The following REC114 variants were observed in gnomAD, a reference collection of about 807,000 sequenced individuals.
REC114 encodes the protein REC114 meiotic recombination protein, also known as meiotic recombination protein REC114.
A neutral mutation model predicts 31.3 loss-of-function variants in REC114; 27 were observed. The observed-to-expected ratio is 0.86, with a 90% CI of 0.64 to 1.19. The LOEUF is 1.19. REC114 is among the 50% of genes most tolerant of loss of function. The pLI is 0.00. For missense variants in REC114, 344 were observed against 326.9 expected (o/e 1.05, Z -0.40); for synonymous variants, 134 against 127.7 (o/e 1.05, Z -0.33).
intron 2 of REC114, 41 bp downstream of exon 2, chr15:73,473,962 T>C (rs893591510): frequency 1.6e-6 from 2 of 1,277,190 alleles, no homozygotes; most frequent in Admixed American, 4.1e-5. Context: ...AAATACATCT[T>C]TGTCTTCTTA....
intron 2 of REC114, among the ~76,000 whole-genome samples, chr15:73,523,004 T>C (rs1434652251): frequency 2.6e-5 from 4 of 152,302 alleles, no homozygotes; most frequent in East Asian, 1.9e-4. Context: ...ATGATTTTAA[T>C]TGATGTTTCT....
chr15:73,492,693 A>G (rs1484316177), intron 2 of REC114, among the ~76,000 whole-genome samples: 1 of 152,236 alleles, frequency 6.6e-6, no homozygotes, highest in African/African-American at 2.4e-5. Flanking sequence ...GGACAAAGTC[A>G]TAGAGTATGC....
At chr15:73,539,281 G>GTTTTTTTTTT (rs1894206286) in intron 2 of REC114, among the ~76,000 whole-genome samples, 1 of 101,174 alleles carries the variant, frequency 9.9e-6, no homozygotes, top group Non-Finnish European at 1.9e-5. Flanking sequence ...TTTCAGAACT[G>GTTTTTTTTTT]ATTTTTTTTT....
At chr15:73,552,289 T>C (rs1894403925) in intron 4 of REC114, among the ~76,000 whole-genome samples, 1 of 152,210 alleles carries the variant, frequency 6.6e-6, no homozygotes, top group Non-Finnish European at 1.5e-5. Context: ...GAGGCCAGAT[T>C]TTCTTCATGT....
chr15:73,506,464 C>CA (rs1893678673), intron 2 of REC114, among the ~76,000 whole-genome samples: 1 of 152,140 alleles, frequency 6.6e-6, no homozygotes, highest in Non-Finnish European at 1.5e-5. Context: ...GAGATGCCTG[C>CA]AGTGCTGATA....
At chr15:73,539,962 T>C (rs1473873006) in intron 2 of REC114, among the ~76,000 whole-genome samples, 1 of 152,184 alleles carries the variant, frequency 6.6e-6, no homozygotes, top group African/African-American at 2.4e-5. Context: ...CTGCCCTCTT[T>C]GCCTTTTTTT....
At chr15:73,468,981 C>G (rs1158693673) in intron 1 of REC114, among the ~76,000 whole-genome samples, 3 of 151,938 alleles carry the variant, frequency 2.0e-5, no homozygotes, top group Admixed American at 2.0e-4. Context: ...CATCTGTGCT[C>G]AGGTAACATT....
At chr15:73,558,233 G>A (rs1894502637) in intron 5 of REC114, among the ~76,000 whole-genome samples, 1 of 152,168 alleles carries the variant, frequency 6.6e-6, no homozygotes, top group South Asian at 2.1e-4. Context: ...GTTACAGAGA[G>A]TTCCTGGAGA....
chr15:73,489,496 A>G (rs7161984), intron 2 of REC114, among the ~76,000 whole-genome samples: 25,055 of 151,546 alleles, frequency 0.17, 3,260 homozygotes, highest in African/African-American at 0.36. Flanking sequence ...GTGAGCCACC[A>G]CGCCTGGCAC....
Position 73,559,826 on chromosome 15 carries a change from C to G in REC114, c.711C>G (p.Phe237Leu). 6.2e-7 allele frequency: 1 copy of G among 1,612,904 alleles called. No homozygotes were observed. Among genetic ancestry groups the G allele is most frequent in the East Asian group, 2.2e-5 (1 of 44,824 alleles). ...SAWGAEELGP[F>L]LRLCLMDQNF... is the part of the protein sequence containing the mutation. ...GGGGTGCAGAAGAGTTAGGCCCCTT[C>G]CTACGTTTGTGCCTTATGGATCAGA... is the stretch of plus-strand genomic sequence containing the variant. The change falls in exon 6 of 6, where the codon TTC (phenylalanine) becomes TTG (leucine). Residue 237 changes from phenylalanine to leucine, a missense_variant. Phe to Leu is a conservative substitution (Grantham distance 22). Coordinates refer to ENST00000331090, the MANE Select transcript of REC114 (RefSeq NM_001042367.2).
At chr15:73,538,779 G>A (rs908358374) in intron 2 of REC114, among the ~76,000 whole-genome samples, 1 of 151,916 alleles carries the variant, frequency 6.6e-6, no homozygotes, top group African/African-American at 2.4e-5. Flanking sequence ...ACTGGACAGT[G>A]CTGATACATA....
At chr15:73,533,654 C>T (rs1239251699) in intron 2 of REC114, among the ~76,000 whole-genome samples, 2 of 147,858 alleles carry the variant, frequency 1.4e-5, no homozygotes, top group East Asian at 4.0e-4. Context: ...CAAGGATACC[C>T]AGGAATTGAA....
intron 1 of REC114, among the ~76,000 whole-genome samples, chr15:73,447,781 A>G (rs1164630140): frequency 6.6e-6 from 1 of 152,176 alleles, no homozygotes; most frequent in African/African-American, 2.4e-5. Context: ...CTGCATTTCC[A>G]ACTGAGGTAC....
chr15:73,543,856 C>A (rs1307118745), intron 3 of REC114, among the ~76,000 whole-genome samples: 3 of 150,450 alleles, frequency 2.0e-5, no homozygotes, highest in Non-Finnish European at 3.0e-5. Flanking sequence ...ATGCTGTAAT[C>A]ATAGGGTTAT....
Position 73,540,556 on chromosome 15 carries a change from A to C in REC114, c.321A>C (p.Gly107=). 1 of 1,612,968 alleles carries C rather than the reference A, an allele frequency of 6.2e-7. No homozygotes were observed. The highest frequency in any genetic ancestry group is 8.5e-7 in the Non-Finnish European group (1 of 1,178,962). ...IVRRVDCLLF[G]TTIKDKSRLF... The stretch of plus-strand genomic sequence containing the variant: ...GACGCGTGGATTGTCTGTTGTTTGG[A>C]ACAACGATAAAGGCAAGATTTAAGC... The change falls in exon 3 of 6, where the codon GGA becomes GGC. Residue 107 remains glycine, a synonymous_variant. Coordinates refer to ENST00000331090, the MANE Select transcript of REC114 (RefSeq NM_001042367.2).
At position 73,551,054 on chromosome 15, in the gene REC114, T is replaced by C; in HGVS notation, c.450T>C (p.Asp150=). ...LAQYITVQVP[D]GNIQELQLIP... ...AATACATAACCGTGCAGGTGCCTGA[T>C]GGAAACATCCAGGAGCTTCAGCTGA... The change falls in exon 4 of 6, where the codon GAT becomes GAC. Residue 150 remains aspartate, a synonymous_variant. Coordinates refer to ENST00000331090, the MANE Select transcript of REC114 (RefSeq NM_001042367.2). 6.2e-7 allele frequency: 1 copy of C among 1,613,846 alleles called. No homozygotes were observed. The highest frequency in any genetic ancestry group is 8.5e-7 in the Non-Finnish European group (1 of 1,179,828).
intron 2 of REC114, among the ~76,000 whole-genome samples, chr15:73,532,224 A>C (rs1051855811): frequency 2.0e-5 from 3 of 150,552 alleles, no homozygotes; most frequent in Non-Finnish European, 4.4e-5. Flanking sequence ...TATGAGTGAG[A>C]ATATGCGGTG....
chr15:73,498,561 G>C (rs1893559452), intron 2 of REC114, among the ~76,000 whole-genome samples: 1 of 152,164 alleles, frequency 6.6e-6, no homozygotes, highest in African/African-American at 2.4e-5. Context: ...GGAACAGGGA[G>C]TAGAAATAGC....
At chr15:73,546,137 G>C (rs1051752941) in intron 3 of REC114, among the ~76,000 whole-genome samples, 1 of 152,038 alleles carries the variant, frequency 6.6e-6, no homozygotes, top group Non-Finnish European at 1.5e-5. Context: ...TGACCAATAA[G>C]CATAAGAAAG....
Sources: allele counts gnomAD v4.1 joint callset (sites outside exome capture counted in the v4.1 genomes callset), GRCh38; gene constraint gnomAD v4.1.1; transcripts MANE v1.5; gene names NCBI Gene and HGNC (gene_info 2026-07-23, HGNC 2026-07-21).